The following KRT7 variants were observed in gnomAD, a reference collection of about 807,000 sequenced individuals.
KRT7 encodes keratin 7.
KRT7 carries 50 observed loss-of-function variants against 42.8 expected under a neutral mutation model. That is an observed-to-expected ratio of 1.17 (90% confidence interval 0.93 to 1.48). The LOEUF is 1.48. Among genes scored for constraint, KRT7 ranks in the 40% most tolerant of loss-of-function variants. The pLI, the probability that KRT7 is intolerant of heterozygous loss-of-function variation, is 0.00. For synonymous variants in KRT7, 268 were observed against 266.3 expected, an observed-to-expected ratio of 1.01 and a Z score of -0.06; for missense variants, 588 against 637.6, an observed-to-expected ratio of 0.92 and a Z score of 0.84.
chr12:52,252,481 T>C (rs934017783), downstream of KRT7: 6 of 1,613,932 alleles, frequency 3.7e-6, no homozygotes, highest in Middle Eastern at 6.8e-4. Context: ...AGCTTGGAGT[T>C]CTGGGAGGCA....
intron 7 of KRT7, chr12:52,246,048 C>A: frequency 5.3e-6 from 1 of 189,364 alleles, no homozygotes; most frequent in Non-Finnish European, 1.1e-5. Context: ...AAGGATCTTC[C>A]AGGACGCCAG....
downstream of KRT7, chr12:52,252,174 T>C: frequency 1.3e-6 from 2 of 1,496,840 alleles, no homozygotes; most frequent in Non-Finnish European, 1.9e-6. Context: ...AAGTAAATAA[T>C]ATGCAGACAT....
At chr12:52,247,884 A>AGG (rs879402148) in intron 7 of KRT7, 38,996 of 347,756 alleles carry the variant, frequency 0.11, 5,735 homozygotes, top group East Asian at 0.33. Flanking sequence ...ATGTCATTTA[A>AGG]CCCTCACAGG....
At chr12:52,248,954 C>T (rs1942223090), downstream of KRT7, 1 of 486,338 alleles carries the variant, frequency 2.1e-6, no homozygotes, top group Non-Finnish European at 3.4e-6. Context: ...TGAGGCTGGG[C>T]AGGGGAAAAG....
intron 3 of KRT7, among the ~76,000 whole-genome samples, chr12:52,238,292 G>C (rs1001644111): frequency 1.3e-5 from 2 of 152,212 alleles, no homozygotes; most frequent in African/African-American, 2.4e-5. Context: ...TCTGGGAGCG[G>C]GGCTGGGAAT....
At position 52,233,433 on chromosome 12, in the gene KRT7, G is replaced by A. The variant is rs1565714933; in HGVS notation, c.137G>A (p.Arg46Gln). The change falls in exon 1 of 9, where the codon CGG becomes CAG. Residue 46 changes from arginine (R) to glutamine (Q), a missense_variant. Transcript: ENST00000331817. The stretch of plus-strand genomic sequence containing the variant: ...AGCCTCTACGGCCTCGGCGCCTCAC[G>A]GCCGCGCGTGGCCGTGCGCTCTGCC... ...SSSLYGLGASRPRVAVRSAYG... is the reference protein window; with the variant it reads ...SSSLYGLGASQPRVAVRSAYG... The A allele has an allele frequency of 1.3e-6, 2 of 1,555,026 alleles. No individual in the cohort carries two copies. The highest frequency in any genetic ancestry group is 1.7e-6 in the Non-Finnish European group (2 of 1,159,482).
chr12:52,247,120 A>T (rs1265341924), intron 7 of KRT7: 2 of 152,184 alleles, frequency 1.3e-5, no homozygotes, highest in Admixed American at 1.3e-4. Context: ...CCAGAAACTC[A>T]TTCAAACTGG....
chr12:52,238,927 C>A (rs1942045777), intron 4 of KRT7, 152 bp downstream of exon 4: 2 of 608,402 alleles, frequency 3.3e-6, no homozygotes, highest in Non-Finnish European at 3.0e-6. Flanking sequence ...GACTCAGAGA[C>A]CTGGAGAACA....
rs755634267 is a variant in KRT7 at position 52,241,561 on chromosome 12, C to T, written c.783C>T (p.Ile261=). The T allele has an allele frequency of 1.1e-5, 17 of 1,613,882 alleles. No individual in the cohort carries two copies. The highest frequency in any genetic ancestry group is 4.4e-5 in the South Asian group (4 of 91,050). The stretch of plus-strand genomic sequence containing the variant: ...GCTCCCTGGACCTGGACGGCATCAT[C>T]GCTGAGGTCAAGGCGCAGTATGAGG... The part of the protein sequence containing the change: ...NSRSLDLDGI[I]AEVKAQYEEM... Residue 261 remains isoleucine (I), a synonymous_variant, in exon 5 of 9, where the codon ATC becomes ATT. Transcript: ENST00000331817.
intron 5 of KRT7, among the ~76,000 whole-genome samples, chr12:52,242,714 G>A (rs1265876759): frequency 1.3e-5 from 2 of 152,096 alleles, no homozygotes; most frequent in Admixed American, 6.5e-5. Context: ...TTGAATGGGT[G>A]CGAATCTCAA....
chr12:52,253,523 A>G, downstream of KRT7: 1 of 1,589,374 alleles, frequency 6.3e-7, no homozygotes, highest in Non-Finnish European at 8.6e-7. Flanking sequence ...GAATCCCCAG[A>G]AAAGGAAGCC....
At chr12:52,237,426 A>G in intron 2 of KRT7, 83 bp from the exon 3 acceptor site, 3 of 987,456 alleles carry the variant, frequency 3.0e-6, no homozygotes, top group Non-Finnish European at 4.6e-6. Context: ...GAGGCAGGGC[A>G]GATTTCACAG....
At chr12:52,251,370 G>A (rs113125181), downstream of KRT7, among the ~76,000 whole-genome samples, 48 of 152,272 alleles carry the variant, frequency 3.2e-4, no homozygotes, top group South Asian at 4.8e-3. Flanking sequence ...TAATACTAAC[G>A]GTAGCTGATG....
intron 6 of KRT7, 95 bp downstream of exon 6, chr12:52,243,232 C>A: frequency 2.1e-6 from 3 of 1,427,748 alleles, no homozygotes; most frequent in Non-Finnish European, 2.8e-6. Flanking sequence ...AGGTTCCCAT[C>A]TCCCGGCCAA....
downstream of KRT7, chr12:52,253,323 C>G: frequency 6.2e-7 from 1 of 1,612,864 alleles, no homozygotes; most frequent in Non-Finnish European, 8.5e-7. Context: ...ATCACCGTGG[C>G]CTTCATCTCC....
chr12:52,247,049 C>T (rs775445134), intron 7 of KRT7: 6 of 152,276 alleles, frequency 3.9e-5, no homozygotes, highest in Non-Finnish European at 7.4e-5. Flanking sequence ...GTTCCCCCAA[C>T]CCTGGGGGGA....
downstream of KRT7, chr12:52,250,622 G>C (rs1391127695): frequency 2.0e-5 from 18 of 919,672 alleles, no homozygotes; most frequent in Non-Finnish European, 2.9e-5. Context: ...ATAAGACCCC[G>C]CCGCGAGAGC....
At chr12:52,249,612 C>T (rs532765806), downstream of KRT7, among the ~76,000 whole-genome samples, 1 of 152,106 alleles carries the variant, frequency 6.6e-6, no homozygotes. Context: ...TCAGAGTCCC[C>T]GACACACAGG....
chr12:52,255,423 C>T (rs555907763), downstream of KRT7: 4 of 456,602 alleles, frequency 8.8e-6, 1 homozygote, highest in South Asian at 3.1e-5. Context: ...GGGGACAAAA[C>T]ACACAAGGCT....
Sources: gnomAD v4.1 joint callset for allele counts (sites outside exome capture counted in the v4.1 genomes callset) on GRCh38, gnomAD v4.1.1 for gene constraint, MANE v1.5 for transcripts, NCBI Gene and HGNC (gene_info 2026-07-23, HGNC 2026-07-21) for gene names.